IGSF11: variants seen among roughly 807,000 people sequenced by gnomAD.
The protein encoded by IGSF11 is immunoglobulin superfamily member 11.
IGSF11 carries 22 observed loss-of-function variants against 41.0 expected under a neutral mutation model. That is an observed-to-expected ratio of 0.54 (90% CI 0.38 to 0.77). The LOEUF (loss-of-function observed/expected upper bound fraction) is 0.77. Ranked by LOEUF, IGSF11 falls within the 30% of genes least tolerant of loss-of-function variation. IGSF11 has a pLI of 0.00. For missense variants in IGSF11, 444 were observed against 530.8 expected (o/e 0.84, Z 1.61); for synonymous variants, 219 against 201.3 (o/e 1.09, Z -0.74).
At chr3:118,980,815 T>C (rs80015304) in intron 1 of IGSF11, among the ~76,000 whole-genome samples, 14,109 of 152,282 alleles carry the variant, frequency 0.093, 726 homozygotes, top group East Asian at 0.13. Context: ...ATATAATGTA[T>C]CCAAAAAATT....
At chr3:119,029,743 T>C (rs1014990848) in intron 1 of IGSF11, among the ~76,000 whole-genome samples, 5 of 152,250 alleles carry the variant, frequency 3.3e-5, no homozygotes, top group African/African-American at 1.2e-4. Context: ...GTTTCCATTG[T>C]TGGGATCTTC....
intron 1 of IGSF11, among the ~76,000 whole-genome samples, chr3:119,046,111 C>T (rs1200383118): frequency 2.6e-5 from 4 of 151,246 alleles, no homozygotes; most frequent in African/African-American, 9.8e-5. Context: ...AGGAACGCAG[C>T]TCCTCACCAG....
At chr3:118,934,752 T>C (rs749228972) in intron 1 of IGSF11, among the ~76,000 whole-genome samples, 15 of 152,172 alleles carry the variant, frequency 9.9e-5, no homozygotes, top group Non-Finnish European at 2.2e-4. Flanking sequence ...AGGGCCAAGC[T>C]GGGCAAGCCA....
At chr3:119,070,424 AG>A (rs752691636) in intron 1 of IGSF11, among the ~76,000 whole-genome samples, 8 of 152,216 alleles carry the variant, frequency 5.3e-5, no homozygotes, top group Non-Finnish European at 1.2e-4. Flanking sequence ...AAGTGATGGG[AG>A]TTGAACTGAC....
intron 1 of IGSF11, among the ~76,000 whole-genome samples, chr3:118,990,449 C>T (rs544770991): frequency 2.0e-5 from 3 of 152,104 alleles, no homozygotes; most frequent in African/African-American, 4.8e-5. Flanking sequence ...AATTAAGTGT[C>T]CTGATGTTAT....
rs868780427 is a variant in IGSF11, at chr3:119,004,969, T to G, written c.52+29562A>C. Among the ~76,000 whole-genome samples the G allele has an allele frequency of 3.3e-5, 5 of 151,610 alleles. No homozygotes were observed. The South Asian group carries it at 8.4e-4, about 25-fold the overall frequency. ...TTTGGGGTGGAGAGTTCTGTAGATG[T>G]CTATTAGGTGCGCTTGGTGCAGAGC... On this transcript the variant is annotated intron_variant, in intron 1 of 6. Transcript: ENST00000393775.
intron 1 of IGSF11, among the ~76,000 whole-genome samples, chr3:119,134,678 A>T (rs1409997076): frequency 2.0e-5 from 3 of 152,114 alleles, no homozygotes; most frequent in Admixed American, 2.0e-4. Context: ...CCCATCAAGC[A>T]AAATGACTTT....
intron 1 of IGSF11, among the ~76,000 whole-genome samples, chr3:119,113,470 C>T (rs1480882550): frequency 2.0e-5 from 3 of 152,228 alleles, no homozygotes; most frequent in East Asian, 1.9e-4. Context: ...CCCAGGATGA[C>T]ACTCATTAAA....
intron 4 of IGSF11, among the ~76,000 whole-genome samples, chr3:118,924,013 T>G (rs1282651538): frequency 6.6e-6 from 1 of 152,166 alleles, no homozygotes; most frequent in African/African-American, 2.4e-5. Context: ...CCATCAAACT[T>G]TTGCTGTTTT....
At chr3:118,999,268 T>A (rs1936572482) in intron 1 of IGSF11, among the ~76,000 whole-genome samples, 1 of 152,078 alleles carries the variant, frequency 6.6e-6, no homozygotes, top group Non-Finnish European at 1.5e-5. Context: ...ATAAATAACA[T>A]TTTTAAAAAG....
chr3:118,940,230 T>C (rs1386515801), intron 1 of IGSF11, among the ~76,000 whole-genome samples: 1 of 152,066 alleles, frequency 6.6e-6, no homozygotes, highest in Non-Finnish European at 1.5e-5. Flanking sequence ...AGATTGAAAA[T>C]TTCAAAGTAA....
chr3:118,946,833 C>T (rs6801480), intron 1 of IGSF11, among the ~76,000 whole-genome samples: 3,024 of 152,224 alleles, frequency 0.02, 96 homozygotes, highest in African/African-American at 0.068. Context: ...TGCACATGGC[C>T]GGGCGCAGTG....
At position 118,948,760 on chromosome 3, in the gene IGSF11, T is replaced by C. The variant is rs547745804; in HGVS notation, c.53-18485A>G. On this transcript the variant is annotated intron_variant, in intron 1 of 6. Coordinates refer to ENST00000393775, the MANE Select transcript of IGSF11 (RefSeq NM_001015887.3). Reference sequence around the variant, plus strand: ...GCAGGCAGATCACGAGGTCAGGAGATAGAGACCATCCTGGCTAAAACGGTG... The same window carrying C: ...GCAGGCAGATCACGAGGTCAGGAGACAGAGACCATCCTGGCTAAAACGGTG... Among the ~76,000 whole-genome samples, 7 of 151,818 alleles carry C rather than the reference T, an allele frequency of 4.6e-5. No homozygotes were observed. The South Asian group carries it at 1.5e-3, about 32-fold the overall frequency.
At chr3:119,082,986 G>A (rs1576777147) in intron 1 of IGSF11, among the ~76,000 whole-genome samples, 1 of 152,108 alleles carries the variant, frequency 6.6e-6, no homozygotes, top group African/African-American at 2.4e-5. Context: ...TATGTTTTAG[G>A]ACAAAACTGT....
At chr3:118,959,643 G>A (rs9828087) in intron 1 of IGSF11, among the ~76,000 whole-genome samples, 4,451 of 152,220 alleles carry the variant, frequency 0.029, 235 homozygotes, top group African/African-American at 0.1. Flanking sequence ...CAGACAATAG[G>A]TATCCTAAAT....
intron 1 of IGSF11, among the ~76,000 whole-genome samples, chr3:119,051,384 G>A (rs73185841): frequency 0.17 from 26,305 of 151,286 alleles, 2,771 homozygotes; most frequent in Non-Finnish European, 0.24. Context: ...AATAAAGAGG[G>A]GCATTATATA....
intron 1 of IGSF11, among the ~76,000 whole-genome samples, chr3:119,086,107 A>C (rs2076667926): frequency 6.6e-6 from 1 of 152,192 alleles, no homozygotes; most frequent in East Asian, 1.9e-4. Context: ...TTACAGCTGA[A>C]GTGTGAATCG....
rs950373296 is a variant in IGSF11 at position 119,079,611 on chromosome 3, T to C, written c.49+25533A>G. On this transcript the variant is annotated intron_variant, in intron 1 of 6. Coordinates refer to the IGSF11 transcript ENST00000354673. Reference sequence around the variant, plus strand: ...GTGTTCATTGCAGCACTATTCACAATAGTAAAGACAGGAATCAACCTAGAT... The same window carrying C: ...GTGTTCATTGCAGCACTATTCACAACAGTAAAGACAGGAATCAACCTAGAT... 3.3e-5 allele frequency among the ~76,000 whole-genome samples: 5 copies of C among 152,284 alleles called. No homozygotes were observed. The South Asian group carries it at 1.0e-3, about 32-fold the overall frequency.
intron 1 of IGSF11, among the ~76,000 whole-genome samples, chr3:119,054,868 G>A (rs1941762124): frequency 6.6e-6 from 1 of 151,954 alleles, no homozygotes; most frequent in Non-Finnish European, 1.5e-5. Flanking sequence ...CTGAGAACGG[G>A]CAGACTGCCT....
Sources: allele counts gnomAD v4.1 joint callset (sites outside exome capture counted in the v4.1 genomes callset), GRCh38; gene constraint gnomAD v4.1.1; transcripts MANE v1.5; gene names NCBI Gene and HGNC (gene_info 2026-07-23, HGNC 2026-07-21).